Variants in DIAPH2 observed in about 807,000 individuals in gnomAD.
DIAPH2 encodes diaphanous related formin 2.
In DIAPH2, 35 loss-of-function variants were observed where a neutral mutation model predicts 92.7. That is an observed-to-expected ratio of 0.38 (90% CI 0.29 to 0.50). DIAPH2 has a LOEUF of 0.50. Among genes scored for constraint, DIAPH2 ranks in the 20% least tolerant of loss-of-function variants. The probability of loss-of-function intolerance (pLI) is 0.94; values close to 1 mark genes in which losing one functional copy is unlikely to be tolerated. For synonymous variants in DIAPH2, 301 were observed against 280.4 expected, an observed-to-expected ratio of 1.07 and a Z score of -0.73; for missense variants, 701 against 819.5, an observed-to-expected ratio of 0.86 and a Z score of 1.77.
At chrX:96,997,649 G>A (rs911861927) in intron 17 of DIAPH2, among the ~76,000 whole-genome samples, 1 of 111,334 alleles carries the variant, frequency 9.0e-6, no homozygotes, top group Non-Finnish European at 1.9e-5. Context: ...GAATACAACT[G>A]TTCTTCATCT....
At position 97,059,644 on chromosome X, in the gene DIAPH2, T is replaced by C. The variant is rs78043915; in HGVS notation, c.2051-13297T>C. Among the ~76,000 whole-genome samples the C allele has an allele frequency of 4.4e-5, 5 of 112,630 alleles. No homozygotes were observed. The Admixed American group carries it at 4.7e-4, about 11-fold the overall frequency. On this transcript the variant is annotated intron_variant, in intron 17 of 26. Transcript: ENST00000324765. ...TGTATTTTACATGTGTTACATACTG[T>C]ATTCTTACAATAAAGTAGGACAGAG... is the stretch of plus-strand genomic sequence containing the variant.
At chrX:96,910,783 A>G (rs769280124) in intron 5 of DIAPH2, among the ~76,000 whole-genome samples, 7 of 111,644 alleles carry the variant, frequency 6.3e-5, no homozygotes, top group Admixed American at 1.9e-4. Flanking sequence ...ATGAAATGAT[A>G]TAACTATCTT....
chrX:96,976,777 T>G (rs746274986), intron 17 of DIAPH2, among the ~76,000 whole-genome samples: 1 of 111,153 alleles, frequency 9.0e-6, no homozygotes, highest in Non-Finnish European at 1.9e-5. Flanking sequence ...TCTATTAATA[T>G]AATACCATCT....
chrX:97,561,573 T>C (rs1342134457), intron 26 of DIAPH2, among the ~76,000 whole-genome samples: 1 of 112,608 alleles, frequency 8.9e-6, no homozygotes, highest in Non-Finnish European at 1.9e-5. Flanking sequence ...TAAGTGACTT[T>C]TTACTTTACT....
intron 22 of DIAPH2, among the ~76,000 whole-genome samples, chrX:97,209,540 G>A (rs186468694): frequency 1.8e-5 from 2 of 111,005 alleles, no homozygotes; most frequent in Admixed American, 1.9e-4. Flanking sequence ...TTTGTGAATC[G>A]ACTTCATATG....
At chrX:97,530,293 A>G (rs2071051063) in intron 26 of DIAPH2, among the ~76,000 whole-genome samples, 1 of 112,023 alleles carries the variant, frequency 8.9e-6, no homozygotes, top group East Asian at 2.8e-4. Flanking sequence ...ACTGAAAAGC[A>G]GAGTGGAGCT....
intron 23 of DIAPH2, among the ~76,000 whole-genome samples, chrX:97,288,413 G>A (rs1396591188): frequency 1.8e-5 from 2 of 110,846 alleles, no homozygotes; most frequent in African/African-American, 6.6e-5. Context: ...GTGAAGGAAG[G>A]GAGGCCAGGA....
chrX:97,330,178 G>A (rs2068988378), intron 23 of DIAPH2, among the ~76,000 whole-genome samples: 2 of 107,179 alleles, frequency 1.9e-5, no homozygotes, highest in South Asian at 8.6e-4. Flanking sequence ...TTCCTTTATT[G>A]TGGTAAAAAC....
chrX:96,968,517 C>G (rs1360112760), intron 17 of DIAPH2, among the ~76,000 whole-genome samples: 1 of 111,935 alleles, frequency 8.9e-6, no homozygotes, highest in Non-Finnish European at 1.9e-5. Flanking sequence ...CCATGCCTGG[C>G]CCATATGTCT....
chrX:97,220,768 G>C (rs1374730423), intron 22 of DIAPH2, among the ~76,000 whole-genome samples: 1 of 111,706 alleles, frequency 9.0e-6, no homozygotes, highest in Non-Finnish European at 1.9e-5. Context: ...AGCTTCTCCT[G>C]TGACAAGCAG....
chrX:97,503,353 C>T (rs1325371764), intron 26 of DIAPH2, among the ~76,000 whole-genome samples: 1 of 111,986 alleles, frequency 8.9e-6, no homozygotes, highest in Non-Finnish European at 1.9e-5. Context: ...GGTTTACATG[C>T]ACTTGAACTG....
intron 16 of DIAPH2, among the ~76,000 whole-genome samples, chrX:96,958,559 T>G (rs2065827601): frequency 8.9e-6 from 1 of 112,027 alleles, no homozygotes; most frequent in African/African-American, 3.2e-5. Flanking sequence ...CCTTTAACAT[T>G]TGTCATTTGT....
At chrX:96,954,562 G>T (rs2065797700) in intron 15 of DIAPH2, among the ~76,000 whole-genome samples, 1 of 111,868 alleles carries the variant, frequency 8.9e-6, no homozygotes, top group Admixed American at 9.5e-5. Flanking sequence ...TTCATGAAAA[G>T]ACAGTCTTTT....
intron 26 of DIAPH2, among the ~76,000 whole-genome samples, chrX:97,587,234 C>T (rs1302696078): frequency 1.8e-5 from 2 of 109,026 alleles, no homozygotes; most frequent in Non-Finnish European, 3.8e-5. Context: ...CTCAGGAAAC[C>T]GAATTGAATT....
intron 17 of DIAPH2, among the ~76,000 whole-genome samples, chrX:96,966,271 A>G (rs1263007007): frequency 8.9e-6 from 1 of 111,820 alleles, no homozygotes; most frequent in Non-Finnish European, 1.9e-5. Context: ...CTCATTTGAT[A>G]TCGCAGACCT....
intron 25 of DIAPH2, among the ~76,000 whole-genome samples, chrX:97,387,699 C>G (rs1311843353): frequency 8.9e-6 from 1 of 111,771 alleles, no homozygotes; most frequent in Non-Finnish European, 1.9e-5. Flanking sequence ...AATATCTGGA[C>G]ATTGTGGCCC....
chrX:97,101,461 C>T (rs1164460894), intron 20 of DIAPH2, among the ~76,000 whole-genome samples: 2 of 110,763 alleles, frequency 1.8e-5, no homozygotes, highest in Non-Finnish European at 1.9e-5. Flanking sequence ...GCTGTGCATA[C>T]ATGAAGTAAC....
intron 4 of DIAPH2, among the ~76,000 whole-genome samples, chrX:96,875,255 G>A (rs2065170674): frequency 9.0e-6 from 1 of 111,579 alleles, no homozygotes; most frequent in African/African-American, 3.2e-5. Flanking sequence ...TTTTGAATAA[G>A]GGATACTCAA....
intron 17 of DIAPH2, among the ~76,000 whole-genome samples, chrX:97,072,074 C>G (rs1313972179): frequency 8.9e-6 from 1 of 111,757 alleles, no homozygotes; most frequent in African/African-American, 3.3e-5. Flanking sequence ...ACTGCCAACA[C>G]TTGAGTACAA....
Sources: allele counts gnomAD v4.1 joint callset (sites outside exome capture counted in the v4.1 genomes callset), GRCh38; gene constraint gnomAD v4.1.1; transcripts MANE v1.5; gene names NCBI Gene and HGNC (gene_info 2026-07-23, HGNC 2026-07-21).